GLIS3: variants seen among roughly 807,000 people sequenced by gnomAD.
GLIS3 encodes the protein zinc finger protein GLIS3.
GLIS3 carries 53 observed loss-of-function variants against 78.6 expected under a neutral mutation model. That is an observed-to-expected ratio of 0.67 (90% confidence interval 0.54 to 0.85). The LOEUF is 0.85. Ranked by LOEUF, GLIS3 falls within the 40% of genes least tolerant of loss-of-function variation. The pLI is 0.00. For synonymous variants in GLIS3, 684 were observed against 509.9 expected, an observed-to-expected ratio of 1.34 and a Z score of -4.60; for missense variants, 1,703 against 1,231.1, an observed-to-expected ratio of 1.38 and a Z score of -5.74.
At chr9:3,870,695 G>T (rs1032200108) in intron 8 of GLIS3, among the ~76,000 whole-genome samples, 7 of 152,212 alleles carry the variant, frequency 4.6e-5, no homozygotes, top group African/African-American at 1.7e-4. Flanking sequence ...ACAAACCCCA[G>T]TGATTCAGTT....
chr9:3,825,812 G>A lies in GLIS3; in HGVS notation c.*2460C>T, dbSNP rs1053277. On this transcript the variant is annotated 3_prime_UTR_variant, in exon 11 of 11. Coordinates refer to ENST00000381971, the MANE Select transcript of GLIS3 (RefSeq NM_001042413.2). Reference sequence around the variant, plus strand: ...AGCTATCAGGAAAGACCCACGGTGCGGGAAGCAGGGCTGCACTGGGTCCTG... The same window carrying A: ...AGCTATCAGGAAAGACCCACGGTGCAGGAAGCAGGGCTGCACTGGGTCCTG... The A allele has an allele frequency of 0.96, 145,836 of 152,356 alleles. 70,172 individuals carry two copies. The highest frequency in any genetic ancestry group is 1 in the Middle Eastern group (294 of 294). The allele number at this position is 152,356 out of a possible 1,614,324, so 9.4% of individuals were successfully genotyped here.
At chr9:4,484,246 T>A in the GLIS3 span, among the ~76,000 whole-genome samples, 399 of 148,328 alleles carry the variant, frequency 2.7e-3, 8 homozygotes, top group Admixed American at 9.1e-3. Flanking sequence ...TTTATTTTTT[T>A]TATTTTTTTG....
At chr9:4,261,841 T>C (rs1398582484) in intron 2 of GLIS3, among the ~76,000 whole-genome samples, 1 of 152,160 alleles carries the variant, frequency 6.6e-6, no homozygotes, top group Non-Finnish European at 1.5e-5. Flanking sequence ...AAAAACATAC[T>C]CTTGCTATGA....
chr9:4,453,937 G>A, the GLIS3 span, among the ~76,000 whole-genome samples: 1 of 151,954 alleles, frequency 6.6e-6, no homozygotes, highest in South Asian at 2.1e-4. Flanking sequence ...CATGGCACAT[G>A]TATACCTATG....
chr9:4,070,274 G>A (rs190500948), intron 4 of GLIS3, among the ~76,000 whole-genome samples: 133 of 152,248 alleles, frequency 8.7e-4, no homozygotes, highest in Middle Eastern at 3.4e-3. Flanking sequence ...CTCTCATGGG[G>A]ATAATGATTT....
chr9:3,847,505 C>T (rs190585631), intron 9 of GLIS3, among the ~76,000 whole-genome samples: 343 of 152,372 alleles, frequency 2.3e-3, no homozygotes, highest in African/African-American at 7.6e-3. Flanking sequence ...TCATTTAATA[C>T]TCATATTCAT....
Position 4,089,321 on chromosome 9 carries a change from A to T in GLIS3, c.1710+28447T>A, listed in dbSNP as rs989007543. 3.3e-5 allele frequency among the ~76,000 whole-genome samples: 5 copies of T among 152,042 alleles called. No homozygotes were observed. The South Asian group carries it at 1.0e-3, about 31-fold the overall frequency. ...AACTGAAAAATGAAGATGTCTAAAC[A>T]GTCTCATCTTGAAGAGTGGATAACA... On this transcript the variant is annotated intron_variant, in intron 4 of 10. Transcript: ENST00000381971.
the GLIS3 span, among the ~76,000 whole-genome samples, chr9:4,463,000 T>A: frequency 6.6e-6 from 1 of 152,234 alleles, no homozygotes; most frequent in East Asian, 1.9e-4. Context: ...AATCCATGTC[T>A]GTACCAACAA....
intron 4 of GLIS3, among the ~76,000 whole-genome samples, chr9:4,019,635 G>A (rs1324007126): frequency 1.3e-5 from 2 of 152,102 alleles, no homozygotes; most frequent in Admixed American, 6.5e-5. Context: ...ACACAGATAA[G>A]TGCTATGGAG....
chr9:4,185,044 C>T (rs1174380847), intron 2 of GLIS3, among the ~76,000 whole-genome samples: 1 of 152,136 alleles, frequency 6.6e-6, no homozygotes. Flanking sequence ...ATCACTGTAA[C>T]CTAAGATTAG....
At chr9:3,999,898 T>A (rs479320) in intron 4 of GLIS3, among the ~76,000 whole-genome samples, 1 of 151,928 alleles carries the variant, frequency 6.6e-6, no homozygotes, top group Non-Finnish European at 1.5e-5. Flanking sequence ...AGTGTGGGGA[T>A]AGAAAAATAG....
intron 2 of GLIS3, among the ~76,000 whole-genome samples, chr9:4,160,513 C>A (rs963989934): frequency 6.6e-6 from 1 of 152,210 alleles, no homozygotes. Flanking sequence ...AAGTGACATG[C>A]GATACAGGCC....
chr9:4,352,250 G>A (rs942856017), upstream of GLIS3, among the ~76,000 whole-genome samples: 1 of 152,224 alleles, frequency 6.6e-6, no homozygotes, highest in Non-Finnish European at 1.5e-5. Context: ...TCTTTGGGGA[G>A]GCTAAGTGAT....
chr9:4,446,844 A>G, the GLIS3 span, among the ~76,000 whole-genome samples: 1 of 151,802 alleles, frequency 6.6e-6, no homozygotes, highest in Non-Finnish European at 1.5e-5. Flanking sequence ...AAGTGCTTTC[A>G]TTGTGTGACC....
intron 9 of GLIS3, among the ~76,000 whole-genome samples, chr9:3,850,135 G>C (rs940271344): frequency 7.2e-5 from 11 of 152,318 alleles, no homozygotes; most frequent in Admixed American, 6.5e-5. Context: ...ATTTAGGCAG[G>C]CAGTTCAGTG....
At chr9:4,065,583 T>G (rs1009222781) in intron 4 of GLIS3, among the ~76,000 whole-genome samples, 2 of 152,206 alleles carry the variant, frequency 1.3e-5, no homozygotes, top group Non-Finnish European at 2.9e-5. Context: ...AACAGGCTTA[T>G]GAAAAACAGC....
At chr9:4,117,119 T>C (rs1746331732) in intron 4 of GLIS3, among the ~76,000 whole-genome samples, 1 of 152,220 alleles carries the variant, frequency 6.6e-6, no homozygotes, top group Non-Finnish European at 1.5e-5. Context: ...TTCCCTGCTC[T>C]TTCTCCTCAT....
chr9:4,160,289 G>A (rs1356349442), intron 2 of GLIS3, among the ~76,000 whole-genome samples: 1 of 152,206 alleles, frequency 6.6e-6, no homozygotes, highest in East Asian at 1.9e-4. Context: ...TGACCACGCT[G>A]GCACTGACAG....
intron 6 of GLIS3, among the ~76,000 whole-genome samples, chr9:3,905,004 G>A (rs1198401324): frequency 7.5e-5 from 11 of 146,478 alleles, no homozygotes; most frequent in Non-Finnish European, 1.3e-4. Flanking sequence ...ACGGAGTCTT[G>A]CTCTGTCTCC....
Sources: allele counts gnomAD v4.1 joint callset (sites outside exome capture counted in the v4.1 genomes callset), GRCh38; gene constraint gnomAD v4.1.1; transcripts MANE v1.5; gene names NCBI Gene and HGNC (gene_info 2026-07-23, HGNC 2026-07-21).